Variants in S100Z observed in about 807,000 individuals in gnomAD.
S100Z encodes S100 calcium binding protein Z.
In S100Z, 11 loss-of-function variants were observed where a neutral mutation model predicts 8.5. The ratio of observed to expected loss-of-function variants is 1.30; its 90% CI spans 0.82 to 2.15. The LOEUF (loss-of-function observed/expected upper bound fraction) is 2.15. S100Z is among the 30% of genes most tolerant of loss of function. The pLI, the probability that S100Z is intolerant of heterozygous loss-of-function variation, is 0.00. For synonymous variants in S100Z, 34 were observed against 43.8 expected (o/e 0.78, Z 0.89); for missense variants, 126 against 117.9 (o/e 1.07, Z -0.32).
At chr5:76,865,751 G>A (rs914228638) in intron 1 of S100Z, among the ~76,000 whole-genome samples, 6 of 151,442 alleles carry the variant, frequency 4.0e-5, no homozygotes, top group African/African-American at 1.5e-4. Flanking sequence ...AGTGGCTCAT[G>A]CCTGTAATCC....
At chr5:76,946,888 G>T in the S100Z span, among the ~76,000 whole-genome samples, 1 of 152,128 alleles carries the variant, frequency 6.6e-6, no homozygotes, top group African/African-American at 2.4e-5. Context: ...CTCTTTTGCG[G>T]AAACCTATCA....
intron 1 of S100Z, among the ~76,000 whole-genome samples, chr5:76,853,418 T>C (rs1326228970): frequency 6.6e-6 from 1 of 152,234 alleles, no homozygotes; most frequent in African/African-American, 2.4e-5. Flanking sequence ...AATTACCTTA[T>C]TAAGCTTGAA....
intron 1 of S100Z, among the ~76,000 whole-genome samples, chr5:76,850,382 T>C (rs1750692620): frequency 1.3e-5 from 2 of 151,532 alleles, no homozygotes; most frequent in Admixed American, 1.3e-4. Context: ...TGATCATAGC[T>C]CGGAGCGTAG....
At chr5:76,869,929 A>G (rs1742947653) in intron 1 of S100Z, among the ~76,000 whole-genome samples, 1 of 152,014 alleles carries the variant, frequency 6.6e-6, no homozygotes, top group East Asian at 1.9e-4. Context: ...AGGCTGAGGA[A>G]GGAGAATTGC....
At chr5:76,911,452 C>G (rs370792717) in intron 4 of S100Z, among the ~76,000 whole-genome samples, 2 of 152,302 alleles carry the variant, frequency 1.3e-5, no homozygotes, top group Middle Eastern at 3.4e-3. Flanking sequence ...TCTGTATTCC[C>G]CTGCACTCTG....
intron 4 of S100Z, among the ~76,000 whole-genome samples, chr5:76,913,046 C>T (rs1391826416): frequency 6.6e-6 from 1 of 152,066 alleles, no homozygotes; most frequent in Admixed American, 6.5e-5. Context: ...AAACGTATAC[C>T]CTATTCCTTT....
intron 4 of S100Z, among the ~76,000 whole-genome samples, chr5:76,900,631 TC>T (rs1273412828): frequency 6.6e-6 from 1 of 152,248 alleles, no homozygotes; most frequent in African/African-American, 2.4e-5. Context: ...GAATTCCTTC[TC>T]TGTGTAATCT....
chr5:76,896,407 A>G (rs1308611513), intron 4 of S100Z, among the ~76,000 whole-genome samples: 1 of 152,198 alleles, frequency 6.6e-6, no homozygotes, highest in Non-Finnish European at 1.5e-5. Context: ...CATTGTGTAT[A>G]TATACCACAT....
intron 4 of S100Z, among the ~76,000 whole-genome samples, chr5:76,900,017 G>A (rs1340380347): frequency 6.6e-6 from 1 of 152,190 alleles, no homozygotes; most frequent in Admixed American, 6.5e-5. Context: ...TACTATTGTA[G>A]GGTAAAAGCT....
chr5:76,872,562 G>A (rs995192136), intron 2 of S100Z, among the ~76,000 whole-genome samples: 1 of 152,112 alleles, frequency 6.6e-6, no homozygotes, highest in Non-Finnish European at 1.5e-5. Context: ...TCAGGTGGCT[G>A]AAGCAGGAGG....
chr5:76,946,852 G>T, the S100Z span, among the ~76,000 whole-genome samples: 2 of 152,046 alleles, frequency 1.3e-5, no homozygotes, highest in Non-Finnish European at 2.9e-5. Context: ...TTGAATCGAG[G>T]TGGGCCTTTG....
intron 4 of S100Z, among the ~76,000 whole-genome samples, chr5:76,915,195 A>G (rs1032402783): frequency 6.6e-6 from 1 of 151,456 alleles, no homozygotes; most frequent in Non-Finnish European, 1.5e-5. Flanking sequence ...AGTCCCAGCT[A>G]CTCGGGAGGC....
chr5:76,907,973 A>C (rs1266714354), intron 4 of S100Z, among the ~76,000 whole-genome samples: 1 of 152,142 alleles, frequency 6.6e-6, no homozygotes, highest in Non-Finnish European at 1.5e-5. Flanking sequence ...TACAAAAAAT[A>C]CAAAAATATC....
At chr5:76,861,899 T>C (rs890004944) in intron 1 of S100Z, among the ~76,000 whole-genome samples, 2 of 152,242 alleles carry the variant, frequency 1.3e-5, no homozygotes, top group Admixed American at 1.3e-4. Flanking sequence ...TTCTCCAGTA[T>C]CTTATTTCAA....
intron 1 of S100Z, among the ~76,000 whole-genome samples, chr5:76,850,575 G>T (rs780044326): frequency 1.3e-5 from 2 of 152,150 alleles, no homozygotes; most frequent in Non-Finnish European, 2.9e-5. Context: ...GATCCACGCC[G>T]TGATTTCGCT....
At chr5:76,871,126 A>G (rs1270716119) in intron 2 of S100Z, among the ~76,000 whole-genome samples, 2 of 152,020 alleles carry the variant, frequency 1.3e-5, no homozygotes, top group Non-Finnish European at 2.9e-5. Flanking sequence ...CCAAATTCCA[A>G]CCTCACTCTG....
intron 1 of S100Z, among the ~76,000 whole-genome samples, chr5:76,864,386 ATTTTTTTTTTTTTTTTTTT>A (rs56206322): frequency 4.2e-5 from 3 of 72,176 alleles, no homozygotes; most frequent in East Asian, 9.4e-4. Context: ...TGCATACTAT[ATTTTTTTTTTTTTTTTTTT>A]TTTTTTTTTT....
chr5:76,897,184 G>C (rs1744065855), intron 4 of S100Z, among the ~76,000 whole-genome samples: 1 of 152,054 alleles, frequency 6.6e-6, no homozygotes, highest in Non-Finnish European at 1.5e-5. Flanking sequence ...CGGGTGCGGT[G>C]GCTCATGCTT....
intron 2 of S100Z, 102 bp from the exon 3 acceptor site, chr5:76,875,202 T>C (rs971224503): frequency 2.1e-5 from 14 of 673,472 alleles, no homozygotes; most frequent in Non-Finnish European, 2.6e-5. Context: ...GACTATTATG[T>C]TTTTAACAAC....
Sources: gnomAD v4.1 joint callset for allele counts (sites outside exome capture counted in the v4.1 genomes callset) on GRCh38, gnomAD v4.1.1 for gene constraint, MANE v1.5 for transcripts, NCBI Gene and HGNC (gene_info 2026-07-23, HGNC 2026-07-21) for gene names.